The following DPYD variants were observed in gnomAD, a reference collection of about 807,000 sequenced individuals.
DPYD encodes dihydropyrimidine dehydrogenase.
In DPYD, 109 loss-of-function variants were observed where a neutral mutation model predicts 116.2. The ratio of observed to expected loss-of-function variants is 0.94; its 90% CI spans 0.80 to 1.10. The LOEUF (loss-of-function observed/expected upper bound fraction) is 1.10, where lower values mean the gene tolerates loss of function less well. DPYD is among the 50% of genes least tolerant of loss of function. The pLI, the probability that DPYD is intolerant of heterozygous loss-of-function variation, is 0.00. For synonymous variants in DPYD, 440 were observed against 432.0 expected (o/e 1.02, Z -0.23); for missense variants, 1,302 against 1,254.5 (o/e 1.04, Z -0.57).
At chr1:97,289,366 C>T (rs899890481) in intron 18 of DPYD, among the ~76,000 whole-genome samples, 15 of 152,240 alleles carry the variant, frequency 9.9e-5, no homozygotes, top group Middle Eastern at 3.4e-3. Flanking sequence ...ATACCAAAGC[C>T]GGGCAGAGAC....
chr1:97,116,843 C>T (rs1652002894), intron 20 of DPYD, among the ~76,000 whole-genome samples: 1 of 151,836 alleles, frequency 6.6e-6, no homozygotes. Context: ...TAGATATCTA[C>T]CTCAGAAAAT....
chr1:97,720,376 A>G, intron 5 of DPYD: 3 of 985,400 alleles, frequency 3.0e-6, no homozygotes, highest in Non-Finnish European at 3.6e-6. Context: ...ATTCAAGTGA[A>G]TCTTCTCCAT....
At chr1:97,355,080 A>G (rs905850404) in intron 16 of DPYD, among the ~76,000 whole-genome samples, 4 of 152,202 alleles carry the variant, frequency 2.6e-5, no homozygotes, top group Admixed American at 6.5e-5. Context: ...TTATGAATTT[A>G]TTATTTTGGG....
At chr1:97,299,063 A>G (rs1485965497) in intron 18 of DPYD, among the ~76,000 whole-genome samples, 3 of 152,218 alleles carry the variant, frequency 2.0e-5, no homozygotes, top group Admixed American at 2.0e-4. Flanking sequence ...TCTGTATGAG[A>G]CTGTGACATG....
At chr1:97,189,586 A>G (rs767613305) in intron 20 of DPYD, among the ~76,000 whole-genome samples, 8 of 152,210 alleles carry the variant, frequency 5.3e-5, no homozygotes, top group Non-Finnish European at 1.0e-4. Flanking sequence ...AGTGCCAAAT[A>G]GTAATGTTTT....
At chr1:97,371,704 G>A (rs535257228) in intron 16 of DPYD, among the ~76,000 whole-genome samples, 22 of 152,036 alleles carry the variant, frequency 1.4e-4, no homozygotes, top group African/African-American at 5.3e-4. Context: ...AAAATATGTT[G>A]GAACAAAAAT....
intron 11 of DPYD, among the ~76,000 whole-genome samples, chr1:97,552,852 A>G (rs1651423980): frequency 6.6e-6 from 1 of 152,054 alleles, no homozygotes; most frequent in Non-Finnish European, 1.5e-5. Context: ...CAAGTTTAAC[A>G]TGTTCCTAAT....
chr1:97,846,199 G>A (rs528232164), intron 2 of DPYD, among the ~76,000 whole-genome samples: 4 of 152,314 alleles, frequency 2.6e-5, no homozygotes, highest in South Asian at 4.1e-4. Flanking sequence ...CAAGGATCAC[G>A]TGACACTGGG....
At chr1:97,919,712 C>A (rs1674405757) in intron 1 of DPYD, among the ~76,000 whole-genome samples, 1 of 152,230 alleles carries the variant, frequency 6.6e-6, no homozygotes, top group Non-Finnish European at 1.5e-5. Context: ...TTAAATATAT[C>A]ATATTGCTCA....
At chr1:97,249,101 C>T (rs970788309) in intron 18 of DPYD, among the ~76,000 whole-genome samples, 1 of 152,088 alleles carries the variant, frequency 6.6e-6, no homozygotes, top group Non-Finnish European at 1.5e-5. Context: ...TAAGCTGATT[C>T]TTAACATTAT....
At chr1:97,623,569 G>A (rs1215818209) in intron 8 of DPYD, among the ~76,000 whole-genome samples, 3 of 151,864 alleles carry the variant, frequency 2.0e-5, no homozygotes, top group African/African-American at 7.3e-5. Flanking sequence ...GAATCTACAG[G>A]TTCAGTGCAA....
chr1:97,394,257 A>ACTT (rs1672889072), intron 14 of DPYD: 1 of 152,002 alleles, frequency 6.6e-6, no homozygotes. Flanking sequence ...GTTCACTCTG[A>ACTT]CGGTAGTTTC....
rs370004463 is a variant in DPYD at position 97,330,893 on chromosome 1, A to G, written c.2059-24596T>C. Reference sequence around the variant, plus strand: ...TGCAATATCATCCACAGGGACAATCATAATATTGGTACATGAAAGACACAG... The same window carrying G: ...TGCAATATCATCCACAGGGACAATCGTAATATTGGTACATGAAAGACACAG... On this transcript the variant is annotated intron_variant, in intron 16 of 22. Coordinates refer to ENST00000370192, the MANE Select transcript of DPYD (RefSeq NM_000110.4). 8.0e-4 allele frequency among the ~76,000 whole-genome samples: 122 copies of G among 152,328 alleles called. 3 individuals are homozygous for G. The Middle Eastern group carries it at 0.014, about 17-fold the overall frequency.
At chr1:97,613,859 C>T (rs1250531070) in intron 8 of DPYD, among the ~76,000 whole-genome samples, 1 of 151,908 alleles carries the variant, frequency 6.6e-6, no homozygotes, top group African/African-American at 2.4e-5. Context: ...GCAGTTCTAC[C>T]ATGTTATTTT....
intron 1 of DPYD, among the ~76,000 whole-genome samples, chr1:97,913,003 T>C (rs61787824): frequency 0.08 from 12,233 of 152,092 alleles, 656 homozygotes; most frequent in South Asian, 0.11. Flanking sequence ...ACTGAAGAAA[T>C]TGGCATAAAG....
At chr1:97,429,123 T>C (rs563615523) in intron 14 of DPYD, among the ~76,000 whole-genome samples, 1 of 152,016 alleles carries the variant, frequency 6.6e-6, no homozygotes, top group African/African-American at 2.4e-5. Context: ...GTCTTAATAA[T>C]CATACAGAGA....
chr1:97,098,535 A>G lies in DPYD; in HGVS notation c.2720T>C (p.Leu907Pro). 2 of 1,613,186 alleles carry G rather than the reference A, an allele frequency of 1.2e-6. No individual in the cohort carries two copies. Among genetic ancestry groups the G allele is most frequent in the South Asian group, 1.1e-5 (1 of 91,070 alleles). ...TTTGGGGATAAAACAGTTTCTCTTA[A>G]GTGGTGAAAAAGCTACATTTTGTTC... is the stretch of plus-strand genomic sequence containing the variant. ...LKEQNVAFSP[L>P]KRNCFIPKRP... Residue 907 changes from leucine to proline, a missense_variant, in exon 21 of 23, where the codon CTT (leucine) becomes CCT (proline). By Grantham distance (98) the Leu-to-Pro change is moderately conservative (BLOSUM62 -3). Coordinates refer to ENST00000370192, the MANE Select transcript of DPYD (RefSeq NM_000110.4).
At position 97,555,330 on chromosome 1, in the gene DPYD, T is replaced by C. The variant is rs909246929; in HGVS notation, c.1340-5586A>G. On this transcript the variant is annotated intron_variant, in intron 11 of 22. Transcript: ENST00000370192. ...AATCATAGTCATTTAGGGCCTTCAA[T>C]TTCATCTCTATAAAGATGGCCTCGA... 9.2e-5 allele frequency among the ~76,000 whole-genome samples: 14 copies of C among 152,262 alleles called. No individual in the cohort carries two copies. In the Middle Eastern group the frequency reaches 0.01, roughly 111 times the overall value.
intron 20 of DPYD, among the ~76,000 whole-genome samples, chr1:97,183,373 T>C (rs555042775): frequency 5.3e-5 from 8 of 152,244 alleles, no homozygotes; most frequent in African/African-American, 4.8e-5. Flanking sequence ...CTTTTCTCCA[T>C]TGGATTGCTT....
Sources: gnomAD v4.1 joint callset for allele counts (sites outside exome capture counted in the v4.1 genomes callset) on GRCh38, gnomAD v4.1.1 for gene constraint, MANE v1.5 for transcripts, NCBI Gene and HGNC (gene_info 2026-07-23, HGNC 2026-07-21) for gene names.